ABCA12: variants seen among roughly 807,000 people sequenced by gnomAD.
ABCA12 encodes glucosylceramide transporter ABCA12.
Under a neutral mutation model 293.5 loss-of-function variants are expected in ABCA12, and 156 were observed. The ratio of observed to expected loss-of-function variants is 0.53; its 90% CI spans 0.47 to 0.61. The LOEUF (loss-of-function observed/expected upper bound fraction) is 0.61. Ranked by LOEUF, ABCA12 falls within the 20% of genes least tolerant of loss-of-function variation. ABCA12 has a pLI of 0.00. For synonymous variants in ABCA12, 1,063 were observed against 1,108.0 expected (o/e 0.96, Z 0.81); for missense variants, 2,797 against 3,090.2 (o/e 0.91, Z 2.25).
In ABCA12 at chr2:215,052,479, C is replaced by T; in HGVS notation, c.507+8G>A. The stretch of plus-strand genomic sequence containing the variant: ...CACTCTACCCATTACAAAATTGAAT[C>T]AAGTTACCTTTTCCAAGCCAAGAAT... On this transcript the variant is annotated splice_region_variant and intron_variant, in intron 5 of 52. Transcript: ENST00000272895. 6.2e-7 allele frequency: 1 copy of T among 1,610,318 alleles called. No individual in the cohort carries two copies. The highest frequency in any genetic ancestry group is 8.5e-7 in the Non-Finnish European group (1 of 1,177,106).
rs1377703171 is a variant in ABCA12 at position 215,001,431 on chromosome 2, C to T, written c.2863+127G>A. The T allele has an allele frequency of 7.9e-6, 9 of 1,146,178 alleles. No homozygotes were observed. In the Admixed American group the frequency reaches 1.4e-4, roughly 18 times the overall value. 71.0% of individuals were successfully genotyped at this position (1,146,178 alleles called of 1,614,324 possible). A position where few individuals can be genotyped will look rare whatever the true frequency, so the allele number is the denominator to read the frequency against. On this transcript the variant is annotated intron_variant, in intron 21 of 52. Transcript: ENST00000272895. ...TTGCCTACATGAAAGGTTCTCTTTT[C>T]TAAGGACATCAGAGGACCTAAGGAC...
chr2:215,106,499 A>C (rs953496901), intron 2 of ABCA12, among the ~76,000 whole-genome samples: 4 of 152,170 alleles, frequency 2.6e-5, no homozygotes, highest in African/African-American at 9.7e-5. Flanking sequence ...CTTATCCAAA[A>C]ATCCAGGCTC....
At position 214,974,040 on chromosome 2, in the gene ABCA12, T is replaced by C. The variant is rs1699451467; in HGVS notation, c.5471A>G (p.Gln1824Arg). 1 of 1,613,128 alleles carries C rather than the reference T, an allele frequency of 6.2e-7. No homozygotes were observed. Among genetic ancestry groups the C allele is most frequent in the African/African-American group, 1.3e-5 (1 of 74,904 alleles). Reference sequence around the variant, plus strand: ...TTCCAGACTGTCTTTGTTTAAACACTGTCTGCAAGTTAAAATGATATTGCT... The same window carrying C: ...TTCCAGACTGTCTTTGTTTAAACACCGTCTGCAAGTTAAAATGATATTGCT... Reference protein sequence around the residue: ...DNMCLNTSDLQCLNKDSLEKW... With the variant: ...DNMCLNTSDLRCLNKDSLEKW... Residue 1824 changes from glutamine (Q) to arginine (R), a missense_variant and splice_region_variant, in exon 36 of 53, where the codon CAG becomes CGG. Transcript: ENST00000272895.
chr2:215,026,773 G>C (rs1700753593), intron 10 of ABCA12, 47 bp downstream of exon 10: 1 of 1,467,074 alleles, frequency 6.8e-7, no homozygotes, highest in Non-Finnish European at 9.6e-7. Flanking sequence ...CTTTAGAACA[G>C]AGGTAGAAAC....
At chr2:215,134,771 C>T (rs1446395440) in intron 1 of ABCA12, among the ~76,000 whole-genome samples, 1 of 150,788 alleles carries the variant, frequency 6.6e-6, no homozygotes, top group South Asian at 2.1e-4. Context: ...CCGCAACTTC[C>T]CAAGTAGCTG....
intron 14 of ABCA12, among the ~76,000 whole-genome samples, chr2:215,016,168 A>G (rs1003153230): frequency 6.6e-6 from 1 of 151,830 alleles, no homozygotes; most frequent in South Asian, 2.1e-4. Context: ...AAAGATGGGG[A>G]AAAAAGAGAC....
Position 214,951,055 on chromosome 2 carries a change from G to A in ABCA12, c.6676C>T (p.His2226Tyr). ...RLFFRKFNSS[H>Y]VRETIDEDED... is the part of the protein sequence containing the mutation. The stretch of plus-strand genomic sequence containing the variant: ...TCCTCATCTATTGTCTCCCTTACAT[G>A]TGAAGAATTAAATTTTCTGAAGAAA... Residue 2226 changes from histidine to tyrosine, a missense_variant, in exon 45 of 53, where the codon CAT (histidine) becomes TAT (tyrosine). Transcript: ENST00000272895. 1 of 1,614,022 alleles carries A rather than the reference G, an allele frequency of 6.2e-7. No homozygotes were observed. The highest frequency in any genetic ancestry group is 8.5e-7 in the Non-Finnish European group (1 of 1,179,992).
intron 18 of ABCA12, among the ~76,000 whole-genome samples, chr2:215,008,974 G>A (rs1700312955): frequency 6.6e-6 from 1 of 152,110 alleles, no homozygotes; most frequent in Non-Finnish European, 1.5e-5. Flanking sequence ...CCATTACTGA[G>A]TATATATCCA....
At chr2:215,061,738 G>A (rs1701531913) in intron 3 of ABCA12, among the ~76,000 whole-genome samples, 1 of 146,010 alleles carries the variant, frequency 6.8e-6, no homozygotes, top group Non-Finnish European at 1.5e-5. Flanking sequence ...CTACCTGGAG[G>A]TAAAACTAAA....
At chr2:215,104,996 G>GT (rs201527368) in intron 2 of ABCA12, among the ~76,000 whole-genome samples, 3 of 151,974 alleles carry the variant, frequency 2.0e-5, no homozygotes, top group Admixed American at 6.6e-5. Context: ...CTCACATTGA[G>GT]TTTTTTTTAC....
rs1700148962 is a variant in ABCA12, at chr2:215,001,680, A to G, written c.2741T>C (p.Leu914Pro). 3.7e-6 allele frequency: 6 copies of G among 1,613,730 alleles called. No homozygotes were observed. Among genetic ancestry groups the G allele is most frequent in the African/African-American group, 1.3e-5 (1 of 75,036 alleles). ...GGAAATATTTACTGTCAGGGAAGATAGTGTGTTAAGCTGATCGATGATGTC... is the reference window on the plus strand; with the variant it reads ...GGAAATATTTACTGTCAGGGAAGATGGTGTGTTAAGCTGATCGATGATGTC... ...NIDIIDQLNTLSSLTVNISSC... is the reference protein window; with the variant it reads ...NIDIIDQLNTPSSLTVNISSC... Residue 914 changes from leucine (L) to proline (P), a missense_variant, in exon 21 of 53, where the codon CTA becomes CCA. Physicochemically the swap from Leu to Pro is moderately conservative, Grantham distance 98. This residue lies in a region of ABCA12 where 2,130 missense variants were observed against 2,427.0 expected (regional missense o/e 0.88). Coordinates refer to ENST00000272895, the MANE Select transcript of ABCA12 (RefSeq NM_173076.3).
Position 214,990,737 on chromosome 2 carries a change from C to T in ABCA12, c.3589G>A (p.Glu1197Lys). ...FFPFIVLVTV[E>K]NELSYVLKVF... ...TTCAATACATAGCTCAACTCATTCT[C>T]CACTGTAACCAGAACAATAAATGGA... is the stretch of plus-strand genomic sequence containing the variant. Residue 1197 changes from glutamate (E) to lysine (K), a missense_variant, in exon 24 of 53, where the codon GAG (glutamate) becomes AAG (lysine). By Grantham distance (56) the Glu-to-Lys change is moderately conservative. Coordinates refer to ENST00000272895, the MANE Select transcript of ABCA12 (RefSeq NM_173076.3). 6.2e-7 allele frequency: 1 copy of T among 1,614,080 alleles called. No individual in the cohort carries two copies. Among genetic ancestry groups the T allele is most frequent in the East Asian group, 2.2e-5 (1 of 44,864 alleles).
At chr2:215,028,558 C>T (rs928637851) in intron 9 of ABCA12, among the ~76,000 whole-genome samples, 2 of 152,082 alleles carry the variant, frequency 1.3e-5, no homozygotes, top group Non-Finnish European at 2.9e-5. Flanking sequence ...ATCAAAGCCT[C>T]CTTATAGATA....
In ABCA12 at chr2:214,983,778, C is replaced by T. The variant is rs2105968358; in HGVS notation, c.4251G>A (p.Arg1417=). The T allele has an allele frequency of 1.2e-6, 2 of 1,614,140 alleles. No homozygotes were observed. Among genetic ancestry groups the T allele is most frequent in the Non-Finnish European group, 1.7e-6 (2 of 1,180,022 alleles). ...GCTGCATACAGACTCCCATGTTCTT[C>T]CGTACCGTGTGTAGGTCTGTTTTGA... is the stretch of plus-strand genomic sequence containing the variant. ...KDIKTDLHTV[R]KNMGVCMQHD... Residue 1417 remains arginine (R), a synonymous_variant, in exon 29 of 53, where the codon CGG becomes CGA. Transcript: ENST00000272895.
intron 36 of ABCA12, among the ~76,000 whole-genome samples, chr2:214,970,883 T>C (rs1225076437): frequency 6.6e-6 from 1 of 152,078 alleles, no homozygotes; most frequent in Non-Finnish European, 1.5e-5. Context: ...GTTATATGTA[T>C]ATTAGTTAAT....
intron 26 of ABCA12, 50 bp downstream of exon 26, chr2:214,989,279 T>C (rs757672755): frequency 2.5e-6 from 4 of 1,591,974 alleles, no homozygotes; most frequent in South Asian, 1.1e-5. Context: ...AGTTGATTTA[T>C]ATTGAAGTCA....
chr2:215,010,425 G>A lies in ABCA12; in HGVS notation c.2378C>T (p.Ala793Val). The A allele has an allele frequency of 6.2e-7, 1 of 1,613,804 alleles. No individual in the cohort carries two copies. The highest frequency in any genetic ancestry group is 8.5e-7 in the Non-Finnish European group (1 of 1,179,786). The change falls in exon 18 of 53, where the codon GCT (alanine) becomes GTT (valine). Residue 793 changes from alanine to valine, a missense_variant. By Grantham distance (64) the Ala-to-Val change is moderately conservative (BLOSUM62 0). Around this residue, in one of 3 missense-constraint regions of ABCA12, gnomAD observed 2,130 missense variants for 2,427.0 expected, o/e 0.88. Coordinates refer to ENST00000272895, the MANE Select transcript of ABCA12 (RefSeq NM_173076.3). ...CAAGAAAGCCCAAATCACAGGTCCA[G>A]CGGGCATGTTAATGATGTCTTTATA... is the stretch of plus-strand genomic sequence containing the variant. ...SLYKDIINMP[A>V]GPVIWAFLKP...
At chr2:214,974,248 T>G (rs1183601449) in intron 35 of ABCA12, among the ~76,000 whole-genome samples, 7 of 152,232 alleles carry the variant, frequency 4.6e-5, no homozygotes, top group Admixed American at 1.3e-4. Context: ...AGAGCATTTA[T>G]TGATTACATA....
chr2:215,012,298 G>A (rs1700395268), intron 15 of ABCA12, among the ~76,000 whole-genome samples, 163 bp from the exon 16 acceptor site: 1 of 152,112 alleles, frequency 6.6e-6, no homozygotes, highest in Non-Finnish European at 1.5e-5. Flanking sequence ...TTCCATTCCT[G>A]GGCGTTTACC....
Sources: allele counts gnomAD v4.1 joint callset (sites outside exome capture counted in the v4.1 genomes callset), GRCh38; gene constraint gnomAD v4.1.1; regional missense constraint gnomAD v4.1.1; transcripts MANE v1.5; gene names NCBI Gene and HGNC (gene_info 2026-07-23, HGNC 2026-07-21).